AGBL4: variants seen among roughly 807,000 people sequenced by gnomAD.
AGBL4 encodes cytosolic carboxypeptidase 6.
In AGBL4, 58 loss-of-function variants were observed where a neutral mutation model predicts 66.4. The ratio of observed to expected loss-of-function variants is 0.87; its 90% confidence interval spans 0.71 to 1.09. AGBL4 has a LOEUF of 1.09. Among genes scored for constraint, AGBL4 ranks in the 50% least tolerant of loss-of-function variants. The probability of loss-of-function intolerance (pLI) is 0.00; values close to 1 mark genes in which losing one functional copy is unlikely to be tolerated. For missense variants in AGBL4, 579 were observed against 631.0 expected (o/e 0.92, Z 0.88); for synonymous variants, 234 against 222.9 (o/e 1.05, Z -0.44).
chr1:49,121,292 G>A (rs1364205836), intron 4 of AGBL4, among the ~76,000 whole-genome samples: 2 of 152,068 alleles, frequency 1.3e-5, no homozygotes, highest in Admixed American at 6.6e-5. Context: ...GAGGCACTCT[G>A]GTTTGTAGAA....
At chr1:49,251,378 C>T (rs936137436) in intron 3 of AGBL4, among the ~76,000 whole-genome samples, 1 of 152,192 alleles carries the variant, frequency 6.6e-6, no homozygotes, top group Non-Finnish European at 1.5e-5. Flanking sequence ...TTGCTCATAG[C>T]CATTGCAAAT....
At chr1:49,607,632 C>A (rs962381705) in intron 3 of AGBL4, among the ~76,000 whole-genome samples, 2 of 152,192 alleles carry the variant, frequency 1.3e-5, no homozygotes, top group East Asian at 1.9e-4. Flanking sequence ...TTACAGTCTG[C>A]CTTTAATACA....
intron 3 of AGBL4, among the ~76,000 whole-genome samples, chr1:49,361,557 C>G (rs947393724): frequency 6.6e-6 from 1 of 152,172 alleles, no homozygotes; most frequent in Admixed American, 6.5e-5. Context: ...AACTCCTGAG[C>G]TCAGGCAATC....
intron 3 of AGBL4, among the ~76,000 whole-genome samples, chr1:49,498,750 C>G (rs1647847097): frequency 6.6e-6 from 1 of 151,848 alleles, no homozygotes; most frequent in Non-Finnish European, 1.5e-5. Flanking sequence ...TCCTCTTATA[C>G]CTAACTTGTT....
At chr1:49,187,723 C>A (rs926178943) in intron 4 of AGBL4, 2 of 152,134 alleles carry the variant, frequency 1.3e-5, no homozygotes, top group Non-Finnish European at 1.5e-5. Flanking sequence ...ATGCATACTT[C>A]CCCTCATTTC....
chr1:49,033,840 T>C (rs550436925), intron 5 of AGBL4, among the ~76,000 whole-genome samples: 4 of 150,584 alleles, frequency 2.7e-5, no homozygotes, highest in African/African-American at 9.7e-5. Context: ...TTTTTTTTAC[T>C]TCTCAGATTT....
intron 3 of AGBL4, among the ~76,000 whole-genome samples, chr1:49,452,210 A>T (rs981177774): frequency 2.0e-5 from 3 of 151,906 alleles, no homozygotes; most frequent in African/African-American, 7.2e-5. Context: ...CTCAAGGCAG[A>T]GTCCATTTCC....
intron 3 of AGBL4, among the ~76,000 whole-genome samples, chr1:49,372,610 T>C (rs1396454467): frequency 2.7e-4 from 2 of 7,512 alleles, no homozygotes; most frequent in Non-Finnish European, 5.7e-4. Context: ...TTTTTCTTTT[T>C]CTTTCTTTCT....
chr1:49,916,517 C>A (rs1651517474), intron 1 of AGBL4, among the ~76,000 whole-genome samples: 1 of 151,988 alleles, frequency 6.6e-6, no homozygotes, highest in Non-Finnish European at 1.5e-5. Flanking sequence ...AATGAAGTGA[C>A]AAGGGAAGTC....
chr1:48,875,673 A>T (rs1570897552), intron 5 of AGBL4, among the ~76,000 whole-genome samples: 1 of 152,178 alleles, frequency 6.6e-6, no homozygotes, highest in Non-Finnish European at 1.5e-5. Flanking sequence ...AAAGCAGGGC[A>T]AGTGGAAATA....
At chr1:49,973,810 AT>A (rs1164366352) in intron 1 of AGBL4, among the ~76,000 whole-genome samples, 1 of 151,214 alleles carries the variant, frequency 6.6e-6, no homozygotes, top group African/African-American at 2.4e-5. Flanking sequence ...TAGGACAAGG[AT>A]TTTTTAGTGA....
intron 3 of AGBL4, among the ~76,000 whole-genome samples, chr1:49,419,157 T>C (rs1204308386): frequency 6.6e-6 from 1 of 152,204 alleles, no homozygotes; most frequent in East Asian, 1.9e-4. Flanking sequence ...ATTAGTATTA[T>C]AATATTTTAC....
At chr1:48,871,353 T>TGGTGTGTGTGTGTG (rs1553247482) in intron 5 of AGBL4, among the ~76,000 whole-genome samples, 5 of 140,978 alleles carry the variant, frequency 3.5e-5, no homozygotes. Context: ...GTAGTAGTGG[T>TGGTGTGTGTGTGTG]TGTGTGTGTG....
rs935292531 is a variant in AGBL4 at position 49,842,316 on chromosome 1, T to A, written c.157+9080A>T. The A allele has an allele frequency of 1.2e-5, 6 of 513,848 alleles. No individual in the cohort carries two copies. The African/African-American group carries it at 1.2e-4, about 10-fold the overall frequency. The allele number at this position is 513,848 out of a possible 1,614,324, so 31.8% of individuals were successfully genotyped here. A position where few individuals can be genotyped will look rare whatever the true frequency, so the allele number is the denominator to read the frequency against. ...GGACATTGGTTACCAAAGCCAAACA[T>A]CACCTCCCTGCTGGAGCAAGAGGCA... On this transcript the variant is annotated intron_variant, in intron 2 of 13. Coordinates refer to ENST00000371839, the MANE Select transcript of AGBL4 (RefSeq NM_032785.4).
Position 49,047,935 on chromosome 1 carries a change from C to T in AGBL4, c.378-2135G>A, listed in dbSNP as rs938409041. The stretch of plus-strand genomic sequence containing the variant: ...GAGTCAAGATTAGAGAAAGAACAGA[C>T]CAGTGCAAGGATGTGGGTATGGAGA... On this transcript the variant is annotated intron_variant, in intron 4 of 13. Coordinates refer to ENST00000371839, the MANE Select transcript of AGBL4 (RefSeq NM_032785.4). Among the ~76,000 whole-genome samples the T allele has an allele frequency of 7.9e-5, 12 of 152,034 alleles. No homozygotes were observed. In the South Asian group the frequency reaches 2.5e-3, roughly 32 times the overall value.
intron 2 of AGBL4, among the ~76,000 whole-genome samples, chr1:49,704,503 A>G (rs917967689): frequency 1.3e-5 from 2 of 152,158 alleles, no homozygotes; most frequent in East Asian, 3.9e-4. Flanking sequence ...ACATGTGTAG[A>G]AGAAAATATA....
At chr1:49,270,381 C>G (rs1434369001) in intron 3 of AGBL4, among the ~76,000 whole-genome samples, 1 of 152,166 alleles carries the variant, frequency 6.6e-6, no homozygotes. Flanking sequence ...TGGCCAGTCT[C>G]AAATTGGCTG....
At chr1:48,738,433 G>A (rs1649408710) in intron 6 of AGBL4, among the ~76,000 whole-genome samples, 1 of 152,188 alleles carries the variant, frequency 6.6e-6, no homozygotes, top group Non-Finnish European at 1.5e-5. Context: ...AGGCAACACG[G>A]ACACCAAGGT....
In AGBL4 at chr1:49,511,549, T is replaced by C. The variant is rs372296296; in HGVS notation, c.282+185764A>G. 5.4e-4 allele frequency among the ~76,000 whole-genome samples: 82 copies of C among 151,482 alleles called. 2 individuals carry two copies. The South Asian group carries it at 0.015, about 27-fold the overall frequency. On this transcript the variant is annotated intron_variant, in intron 3 of 13. Coordinates refer to ENST00000371839, the MANE Select transcript of AGBL4 (RefSeq NM_032785.4). The stretch of plus-strand genomic sequence containing the variant: ...GCAGCACACCAGCATGGCACATGTA[T>C]ATGTATGTAACTAACCTGCACAATG...
Sources: gnomAD v4.1 joint callset for allele counts (sites outside exome capture counted in the v4.1 genomes callset) on GRCh38, gnomAD v4.1.1 for gene constraint, MANE v1.5 for transcripts, NCBI Gene and HGNC (gene_info 2026-07-23, HGNC 2026-07-21) for gene names.